CELF2: variants seen among roughly 807,000 people sequenced by gnomAD.
The protein encoded by CELF2 is CUG triplet repeat RNA-binding protein 2.
CELF2 carries 8 observed loss-of-function variants against 62.6 expected under a neutral mutation model. That is an observed-to-expected ratio of 0.13 (90% CI 0.07 to 0.23). The LOEUF (loss-of-function observed/expected upper bound fraction) is 0.23, where lower values mean the gene tolerates loss of function less well. Among genes scored for constraint, CELF2 ranks in the 10% least tolerant of loss-of-function variants. The probability of loss-of-function intolerance (pLI) is 1.00; values close to 1 mark genes in which losing one functional copy is unlikely to be tolerated. For missense variants in CELF2, 333 were observed against 671.0 expected (o/e 0.50, Z 5.56); for synonymous variants, 258 against 250.0 (o/e 1.03, Z -0.30).
the CELF2 span, among the ~76,000 whole-genome samples, chr10:10,727,372 C>G: frequency 3.3e-5 from 5 of 152,108 alleles, no homozygotes; most frequent in Non-Finnish European, 7.4e-5. Flanking sequence ...CAATATTTCC[C>G]GCATCATTTC....
intron 4 of CELF2, among the ~76,000 whole-genome samples, chr10:11,256,060 C>G (rs1422410869): frequency 6.6e-6 from 1 of 152,216 alleles, no homozygotes; most frequent in Admixed American, 6.5e-5. Flanking sequence ...GACAGAAGCT[C>G]CCTTAGGTCT....
chr10:10,854,591 T>G (rs115858379), intron 1 of CELF2, among the ~76,000 whole-genome samples: 4,295 of 152,102 alleles, frequency 0.028, 116 homozygotes, highest in Middle Eastern at 0.065. Context: ...TTAAATGAAC[T>G]GTGTTCAATT....
chr10:10,647,296 C>T, the CELF2 span, among the ~76,000 whole-genome samples: 3 of 152,228 alleles, frequency 2.0e-5, no homozygotes, highest in East Asian at 1.9e-4. Flanking sequence ...CTGCTCCTTG[C>T]GATTTCCTGT....
At chr10:10,558,751 G>C in the CELF2 span, among the ~76,000 whole-genome samples, 1 of 152,044 alleles carries the variant, frequency 6.6e-6, no homozygotes, top group African/African-American at 2.4e-5. Flanking sequence ...ACTTCTTCGT[G>C]GTTTAGTCTT....
At chr10:10,728,982 A>G in the CELF2 span, among the ~76,000 whole-genome samples, 2 of 152,214 alleles carry the variant, frequency 1.3e-5, no homozygotes, top group Admixed American at 6.5e-5. Context: ...TGAAATTATC[A>G]TTATAGAACA....
Position 11,247,814 on chromosome 10 carries a change from C to A in CELF2, c.355-1339C>A, listed in dbSNP as rs1458475488. On this transcript the variant is annotated intron_variant, in intron 3 of 12. Coordinates refer to ENST00000633077, the MANE Select transcript of CELF2 (RefSeq NM_001326342.2). The surrounding 1 kb of genome is among the most constrained non-coding windows in gnomAD (Gnocchi z 5.4). The stretch of plus-strand genomic sequence containing the variant: ...ATGTTGCTGGTCCTTCTCTCCATTT[C>A]TATAGGATAGAGGTCACATTCCTCA... 6.6e-6 allele frequency among the ~76,000 whole-genome samples: 1 copy of A among 152,192 alleles called. No homozygotes were observed. Among genetic ancestry groups the A allele is most frequent in the African/African-American group, 2.4e-5 (1 of 41,438 alleles).
intron 1 of CELF2, among the ~76,000 whole-genome samples, chr10:10,808,437 G>T (rs1253309035): frequency 6.6e-6 from 1 of 152,034 alleles, no homozygotes; most frequent in Non-Finnish European, 1.5e-5. Flanking sequence ...CAAACCCTTT[G>T]AGATTTTTCA....
chr10:10,495,136 C>T, the CELF2 span, among the ~76,000 whole-genome samples: 4 of 151,956 alleles, frequency 2.6e-5, no homozygotes, highest in Non-Finnish European at 5.9e-5. Flanking sequence ...AAAAAATTAG[C>T]CAGGCATGGT....
intron 1 of CELF2, among the ~76,000 whole-genome samples, chr10:11,134,393 A>T (rs2060091600): frequency 6.6e-6 from 1 of 152,244 alleles, no homozygotes; most frequent in African/African-American, 2.4e-5. Context: ...CAGAAGACTC[A>T]TCCCCCTGGG....
At chr10:11,121,179 T>C (rs1232628586) in intron 1 of CELF2, among the ~76,000 whole-genome samples, 1 of 152,150 alleles carries the variant, frequency 6.6e-6, no homozygotes, top group African/African-American at 2.4e-5. Flanking sequence ...CCCACCAATT[T>C]CCAGGCATAG....
Position 11,039,345 on chromosome 10 carries a change from G to T in CELF2, c.74+21182G>T, listed in dbSNP as rs749853751. On this transcript the variant is annotated intron_variant, in intron 1 of 12. Transcript: ENST00000633077. This position sits in a 1 kb window ranked among gnomAD's most constrained non-coding sequence, Gnocchi z 4.1. ...TCCCATGCCAGGATTTGGGATGTAA[G>T]CTCATCTCAAATGTAGCCCATCAAA... 1.9e-4 allele frequency among the ~76,000 whole-genome samples: 29 copies of T among 152,292 alleles called. No homozygotes were observed. Among genetic ancestry groups the T allele is most frequent in the Non-Finnish European group, 4.0e-4 (27 of 68,006 alleles).
At chr10:10,867,326 T>A (rs974450368) in intron 1 of CELF2, among the ~76,000 whole-genome samples, 5 of 152,196 alleles carry the variant, frequency 3.3e-5, no homozygotes, top group Non-Finnish European at 7.3e-5. Flanking sequence ...TTGTGAACCA[T>A]CTTCCCAACC....
chr10:11,024,989 G>A (rs567274361), intron 1 of CELF2, among the ~76,000 whole-genome samples: 31 of 152,264 alleles, frequency 2.0e-4, no homozygotes, highest in South Asian at 1.9e-3. Flanking sequence ...TCTAAAGAAA[G>A]TTCACAGCTT....
rs1350011258 is a variant in CELF2, at chr10:11,197,060, A to AG, written c.272-20365_272-20364insG. ...AAGAAAGAAAGAAAGAAAGAAAGAA[A>AG]AGAAAGAAAGGAAAGAAAGAAAGAA... On this transcript the variant is annotated intron_variant, in intron 2 of 12. Coordinates refer to ENST00000633077, the MANE Select transcript of CELF2 (RefSeq NM_001326342.2). Among the ~76,000 whole-genome samples, 120 of 106,580 alleles carry AG rather than the reference A, an allele frequency of 1.1e-3. 13 individuals are homozygous for AG. The highest frequency in any genetic ancestry group is 4.2e-3 in the African/African-American group (100 of 23,870). The allele number at this position is 106,580 out of a possible 152,430, so 69.9% of individuals were successfully genotyped here.
chr10:11,176,295 G>A (rs192869083), intron 2 of CELF2, among the ~76,000 whole-genome samples: 2 of 152,206 alleles, frequency 1.3e-5, no homozygotes, highest in Non-Finnish European at 2.9e-5. Flanking sequence ...TCCAAGGACA[G>A]AAAATGTACA....
chr10:10,787,915 C>T, the CELF2 span, among the ~76,000 whole-genome samples: 3 of 152,114 alleles, frequency 2.0e-5, no homozygotes, highest in Non-Finnish European at 2.9e-5. Flanking sequence ...CATGCCGGTT[C>T]AAATCATTAT....
the CELF2 span, among the ~76,000 whole-genome samples, chr10:10,649,689 G>C: frequency 1.3e-5 from 2 of 152,146 alleles, no homozygotes; most frequent in Non-Finnish European, 2.9e-5. Flanking sequence ...ATCTAGAAGA[G>C]GCAAGTGAAT....
At chr10:11,208,448 A>G (rs1322223246) in intron 2 of CELF2, among the ~76,000 whole-genome samples, 1 of 152,210 alleles carries the variant, frequency 6.6e-6, no homozygotes, top group East Asian at 1.9e-4. Flanking sequence ...ATGGTCAGCC[A>G]TGTAGTAATG....
Position 11,242,094 on chromosome 10 carries a change from A to G in CELF2, c.355-7059A>G, listed in dbSNP as rs2074090522. Among the ~76,000 whole-genome samples the G allele has an allele frequency of 6.6e-6, 1 of 151,988 alleles. No individual in the cohort carries two copies. Among genetic ancestry groups the G allele is most frequent in the Non-Finnish European group, 1.5e-5 (1 of 68,010 alleles). On this transcript the variant is annotated intron_variant, in intron 3 of 12. Transcript: ENST00000633077. The surrounding 1 kb of genome is among the most constrained non-coding windows in gnomAD (Gnocchi z 4.8). ...CTCTTTCGTGAATTCACTTCTTTCC[A>G]TCCCCTCTCTCTACTTTTAAATATT...
Sources: gnomAD v4.1 joint callset for allele counts (sites outside exome capture counted in the v4.1 genomes callset) on GRCh38, gnomAD v4.1.1 for gene constraint, Gnocchi (gnomAD v3.1) non-coding constraint, MANE v1.5 for transcripts, NCBI Gene and HGNC (gene_info 2026-07-23, HGNC 2026-07-21) for gene names.